GSDME: variants seen among roughly 807,000 people sequenced by gnomAD.
GSDME encodes gasdermin E.
Under a neutral mutation model 47.5 loss-of-function variants are expected in GSDME, and 44 were observed. The ratio of observed to expected loss-of-function variants is 0.93; its 90% CI spans 0.73 to 1.19. The LOEUF (loss-of-function observed/expected upper bound fraction) is 1.19, where lower values mean the gene tolerates loss of function less well. Among genes scored for constraint, GSDME ranks in the 50% most tolerant of loss-of-function variants. The pLI, the probability that GSDME is intolerant of heterozygous loss-of-function variation, is 0.00. For missense variants in GSDME, 663 were observed against 604.2 expected (o/e 1.10, Z -1.02); for synonymous variants, 258 against 252.8 (o/e 1.02, Z -0.20).
chr7:24,731,860 T>C (rs1298760746), intron 3 of GSDME, among the ~76,000 whole-genome samples: 6 of 152,176 alleles, frequency 3.9e-5, no homozygotes, highest in Non-Finnish European at 5.9e-5. Flanking sequence ...ATAGTAGCAT[T>C]TATTATGTTA....
chr7:24,785,721 C>T, the GSDME span, among the ~76,000 whole-genome samples: 1 of 152,198 alleles, frequency 6.6e-6, no homozygotes, highest in Non-Finnish European at 1.5e-5. Context: ...TCCCAAAGTG[C>T]TGGGATTACA....
At chr7:24,786,938 T>C in the GSDME span, among the ~76,000 whole-genome samples, 4 of 152,168 alleles carry the variant, frequency 2.6e-5, no homozygotes, top group East Asian at 3.8e-4. The surrounding 1 kb of genome is among the most constrained non-coding windows in gnomAD (Gnocchi z 5.5). Context: ...GCCTCACTGT[T>C]ACTCCCTAAG....
chr7:24,795,338 G>A, the GSDME span, among the ~76,000 whole-genome samples: 5 of 152,162 alleles, frequency 3.3e-5, no homozygotes, highest in African/African-American at 1.2e-4. Context: ...TTCCAGGTCA[G>A]GGAACCAAGA....
intron 5 of GSDME, among the ~76,000 whole-genome samples, chr7:24,711,404 T>C (rs1789347065): frequency 6.6e-6 from 1 of 151,804 alleles, no homozygotes; most frequent in Non-Finnish European, 1.5e-5. Context: ...TTTGTATTTT[T>C]AGTAAAGATG....
chr7:24,699,892 TTA>T (rs1419940714), intron 9 of GSDME, among the ~76,000 whole-genome samples: 1 of 152,230 alleles, frequency 6.6e-6, no homozygotes, highest in Non-Finnish European at 1.5e-5. Flanking sequence ...TAGAACTTTC[TTA>T]TATCTTTGCA....
At chr7:24,778,301 G>A in the GSDME span, among the ~76,000 whole-genome samples, 1 of 151,974 alleles carries the variant, frequency 6.6e-6, no homozygotes, top group East Asian at 1.9e-4. The surrounding 1 kb of genome is among the most constrained non-coding windows in gnomAD (Gnocchi z 5.6). Flanking sequence ...ACCAGACACT[G>A]GGGCCTAGAA....
intron 4 of GSDME, among the ~76,000 whole-genome samples, chr7:24,718,409 A>G (rs1261788372): frequency 6.6e-6 from 1 of 152,224 alleles, no homozygotes; most frequent in Admixed American, 6.5e-5. Context: ...GACTGTCAAT[A>G]ACTTAATCTA....
At chr7:24,702,898 C>G in intron 8 of GSDME, 65 bp from the exon 9 acceptor site, 1 of 1,352,862 alleles carries the variant, frequency 7.4e-7, no homozygotes, top group Non-Finnish European at 1.1e-6. Flanking sequence ...GAGCCAGCCC[C>G]TGGATGGCAC....
rs1400460934 is a variant in GSDME, at chr7:24,717,194, C to CCCTCTGCTGAGGGAT, written c.697+45_697+59dup. The CCCTCTGCTGAGGGAT allele has an allele frequency of 3.7e-6, 6 of 1,601,676 alleles. No homozygotes were observed. In the African/African-American group the frequency reaches 4.0e-5, roughly 11 times the overall value. On this transcript the variant is annotated intron_variant, in intron 5 of 9. Coordinates refer to ENST00000645220, the MANE Select transcript of GSDME (RefSeq NM_001127453.2). ...CGAGTCCTCTGGAAAGCAGTCAAGT[C>CCCTCTGCTGAGGGAT]CCTCTGCTGAGGGATCCTCTGCTGG...
the GSDME span, among the ~76,000 whole-genome samples, chr7:24,784,028 A>G: frequency 2.6e-5 from 4 of 152,068 alleles, no homozygotes; most frequent in Non-Finnish European, 5.9e-5. Flanking sequence ...TCTGTGGAGG[A>G]GAAGCCACAG....
At chr7:24,761,182 G>T (rs994443743), upstream of GSDME, among the ~76,000 whole-genome samples, 1 of 152,216 alleles carries the variant, frequency 6.6e-6, no homozygotes, top group African/African-American at 2.4e-5. The surrounding 1 kb of genome is among the most constrained non-coding windows in gnomAD (Gnocchi z 4.4). Flanking sequence ...GCACTGACTG[G>T]GGTCACTCAG....
chr7:24,718,947 G>T, intron 4 of GSDME, 100 bp downstream of exon 4: 1 of 1,345,214 alleles, frequency 7.4e-7, no homozygotes, highest in Non-Finnish European at 1.1e-6. Context: ...ACTTGCTACG[G>T]AAAGAGTCCT....
intron 5 of GSDME, among the ~76,000 whole-genome samples, chr7:24,715,027 C>G (rs1046034562): frequency 7.2e-5 from 11 of 152,102 alleles, no homozygotes; most frequent in Non-Finnish European, 1.5e-4. Flanking sequence ...ACTTTTTGGC[C>G]ATGAAGAAGA....
At position 24,756,330 on chromosome 7, in the gene GSDME, C is replaced by T. The variant is rs546102220; in HGVS notation, c.-20+1066G>A. 1.2e-4 allele frequency among the ~76,000 whole-genome samples: 19 copies of T among 152,294 alleles called. 1 individual carries two copies. The South Asian group carries it at 2.3e-3, about 18-fold the overall frequency. On this transcript the variant is annotated intron_variant, in intron 1 of 9. Coordinates refer to ENST00000645220, the MANE Select transcript of GSDME (RefSeq NM_001127453.2). The surrounding 1 kb of genome is among the most constrained non-coding windows in gnomAD (Gnocchi z 4.2). ...GAGCTAGGATAGTGCCACTGCACTC[C>T]AGCCTTGGTGACAGAGCGAGACCCT...
chr7:24,794,030 G>T, the GSDME span, among the ~76,000 whole-genome samples: 32 of 152,302 alleles, frequency 2.1e-4, no homozygotes, highest in Admixed American at 1.9e-3. Context: ...AGTGGTATTG[G>T]AGTGTTATAT....
chr7:24,738,403 AAACT>A (rs1790378392), intron 3 of GSDME, among the ~76,000 whole-genome samples: 1 of 152,124 alleles, frequency 6.6e-6, no homozygotes, highest in African/African-American at 2.4e-5. Context: ...AAATATCTAC[AAACT>A]AACCAAAGAA....
chr7:24,757,003 G>C lies in GSDME; in HGVS notation c.-20+393C>G, dbSNP rs541996956. 6.7e-6 allele frequency among the ~76,000 whole-genome samples: 1 copy of C among 148,210 alleles called. No individual in the cohort carries two copies. The highest frequency in any genetic ancestry group is 2.5e-5 in the African/African-American group (1 of 40,792). ...TCCGCAGCACCCAGAGAAGAGACCG[G>C]AACACAAAGGATGAACGAATGGGGA... On this transcript the variant is annotated intron_variant, in intron 1 of 9. Coordinates refer to ENST00000645220, the MANE Select transcript of GSDME (RefSeq NM_001127453.2). The surrounding 1 kb of genome is among the most constrained non-coding windows in gnomAD (Gnocchi z 5.9).
chr7:24,705,876 C>T lies in GSDME; in HGVS notation c.1183+308G>A. The T allele has an allele frequency of 2.2e-6, 1 of 454,852 alleles. No individual in the cohort carries two copies. Among genetic ancestry groups the T allele is most frequent in the South Asian group, 2.1e-5 (1 of 47,930 alleles). The allele number at this position is 454,852 out of a possible 1,614,324, so 28.2% of individuals were successfully genotyped here. ...TCTGCTGGGACTCCGGAGTGAACCA[C>T]AGCCTGTCAGGGAGATGCTTGCTTT... On this transcript the variant is annotated intron_variant, in intron 8 of 9. Transcript: ENST00000645220. The surrounding 1 kb of genome is among the most constrained non-coding windows in gnomAD (Gnocchi z 4.1).
At chr7:24,715,675 G>A (rs1440945244) in intron 5 of GSDME, 1 of 312,834 alleles carries the variant, frequency 3.2e-6, no homozygotes, top group African/African-American at 2.3e-5. Context: ...TTTTTTGGAA[G>A]ACAAGTCTTT....
Sources: allele counts gnomAD v4.1 joint callset (sites outside exome capture counted in the v4.1 genomes callset), GRCh38; gene constraint gnomAD v4.1.1; non-coding constraint Gnocchi (gnomAD v3.1); transcripts MANE v1.5; gene names NCBI Gene and HGNC (gene_info 2026-07-23, HGNC 2026-07-21).